KCTD1: variants seen among roughly 807,000 people sequenced by gnomAD.
KCTD1 encodes the protein potassium channel tetramerization domain containing 1.
A neutral mutation model predicts 66.0 loss-of-function variants in KCTD1; 24 were observed. The observed-to-expected ratio is 0.36, with a 90% CI of 0.26 to 0.51. The LOEUF (loss-of-function observed/expected upper bound fraction) is 0.51. KCTD1 is among the 20% of genes least tolerant of loss of function. KCTD1 has a pLI of 0.95. For synonymous variants in KCTD1, 511 were observed against 517.2 expected (o/e 0.99, Z 0.16); for missense variants, 943 against 1,205.2 (o/e 0.78, Z 3.22).
At chr18:26,557,085 A>G (rs2144867574) in intron 1 of KCTD1, among the ~76,000 whole-genome samples, 1 of 152,302 alleles carries the variant, frequency 6.6e-6, no homozygotes, top group South Asian at 2.1e-4. Flanking sequence ...TAAGCCCAAA[A>G]TGGTCAATAG....
chr18:26,582,227 C>T (rs751167005), intron 1 of KCTD1, among the ~76,000 whole-genome samples: 3 of 150,980 alleles, frequency 2.0e-5, no homozygotes, highest in Non-Finnish European at 4.4e-5. Flanking sequence ...GAGCCAAGAC[C>T]GTGCCACTGC....
At position 26,610,587 on chromosome 18, in the gene KCTD1, G is replaced by GCGAA. The variant is rs1192279117; in HGVS notation, c.-16+18559_-16+18560insTTCG. Among the ~76,000 whole-genome samples, 28 of 146,670 alleles carry GCGAA rather than the reference G, an allele frequency of 1.9e-4. No homozygotes were observed. In the South Asian group the frequency reaches 2.3e-3, roughly 12 times the overall value. On this transcript the variant is annotated intron_variant, in intron 1 of 4. Coordinates refer to the KCTD1 transcript ENST00000317932. ...TGAGGCTCTAAGAAAGAGAGAGAGA[G>GCGAA]AGAAAGAAAGGAAGGAAGGAAGGAA...
intron 1 of KCTD1, chr18:26,600,011 A>G: frequency 4.3e-6 from 7 of 1,611,562 alleles, no homozygotes; most frequent in South Asian, 1.1e-5. Flanking sequence ...CTCTCAGCCA[A>G]CGATATGGAG....
chr18:26,564,488 G>A (rs1239155587), intron 1 of KCTD1, among the ~76,000 whole-genome samples: 2 of 152,086 alleles, frequency 1.3e-5, no homozygotes, highest in African/African-American at 4.8e-5. Context: ...ACATGTCTTT[G>A]AGGCTTTTAG....
At chr18:26,526,213 G>A (rs1246786119) in intron 1 of KCTD1, among the ~76,000 whole-genome samples, 10 of 152,162 alleles carry the variant, frequency 6.6e-5, no homozygotes, top group Non-Finnish European at 8.8e-5. Flanking sequence ...CCCTCTCCGA[G>A]GAAAGCCGGT....
At chr18:26,463,539 C>T (rs1262788562) in intron 3 of KCTD1, among the ~76,000 whole-genome samples, 3 of 69,788 alleles carry the variant, frequency 4.3e-5, no homozygotes, top group Admixed American at 3.3e-4. Flanking sequence ...TCTTAGAATA[C>T]GGTTTTTTTT....
chr18:26,535,461 T>TTGTATTTTAAAAAAAGTCCGCAAGTCAAC (rs1428847520), intron 1 of KCTD1, among the ~76,000 whole-genome samples: 144 of 152,012 alleles, frequency 9.5e-4, no homozygotes, highest in African/African-American at 3.3e-3. Context: ...GGGCTTGACT[T>TTGTATTTTAAAAAAAGTCCGCAAGTCAAC]TGTATTTTAA....
At chr18:26,549,866 T>G (rs1985481561), upstream of KCTD1, 1 of 943,634 alleles carries the variant, frequency 1.1e-6, no homozygotes, top group Non-Finnish European at 1.3e-6. Context: ...ACTGCCCCAC[T>G]TCCAGCCAAA....
intron 1 of KCTD1, among the ~76,000 whole-genome samples, chr18:26,559,234 T>A (rs111435307): frequency 6.6e-6 from 1 of 152,198 alleles, no homozygotes; most frequent in East Asian, 1.9e-4. Flanking sequence ...CTGTATATTT[T>A]AAAATAACTA....
At position 26,547,047 on chromosome 18, in the gene KCTD1, G is replaced by A; in HGVS notation, c.1490C>T (p.Thr497Ile). 1.3e-6 allele frequency: 2 copies of A among 1,493,524 alleles called. No individual in the cohort carries two copies. Among genetic ancestry groups the A allele is most frequent in the Non-Finnish European group, 1.8e-6 (2 of 1,119,180 alleles). 92.5% of individuals were successfully genotyped at this position (1,493,524 alleles called of 1,614,324 possible). A position where few individuals can be genotyped will look rare whatever the true frequency, so the allele number is the denominator to read the frequency against. ...GGGGCGGTGGTGGTGGGAGGGATGG[G>A]TGGGGGGGTGGTGGGAGTGGTGCCG... The part of the protein sequence containing the change: ...AARHHSHHPP[T>I]HPSHHHRPQP... Residue 497 changes from threonine (T) to isoleucine (I), a missense_variant, in exon 1 of 5, where the codon ACC becomes ATC. Physicochemically the swap from Thr to Ile is moderately conservative, Grantham distance 89 (BLOSUM62 -1). Transcript: ENST00000580059.
chr18:26,599,412 G>T, intron 1 of KCTD1: 1 of 1,611,560 alleles, frequency 6.2e-7, no homozygotes, highest in Non-Finnish European at 8.5e-7. Flanking sequence ...AAGAATGGCA[G>T]ATTTTGGGAT....
chr18:26,533,854 C>T (rs953786587), intron 1 of KCTD1, among the ~76,000 whole-genome samples: 1 of 146,384 alleles, frequency 6.8e-6, no homozygotes, highest in Non-Finnish European at 1.5e-5. Context: ...AAAAAGCAAG[C>T]CATGGAATTT....
At chr18:26,521,460 C>G (rs1418055906) in intron 1 of KCTD1, among the ~76,000 whole-genome samples, 1 of 152,204 alleles carries the variant, frequency 6.6e-6, no homozygotes, top group Non-Finnish European at 1.5e-5. Flanking sequence ...GAAACTGCCT[C>G]TTTTATAAAT....
chr18:26,657,230 G>A, intron 1 of KCTD1: 3 of 672,842 alleles, frequency 4.5e-6, no homozygotes, highest in Non-Finnish European at 5.5e-6. Context: ...CCGCCGCGGC[G>A]GGCGGCGTGT....
chr18:26,615,375 T>A (rs900548750), intron 1 of KCTD1, among the ~76,000 whole-genome samples: 5 of 152,186 alleles, frequency 3.3e-5, no homozygotes, highest in African/African-American at 1.2e-4. Flanking sequence ...TGAGGATATT[T>A]TGCTAGTCTG....
chr18:26,490,714 C>T (rs958833632), intron 2 of KCTD1, among the ~76,000 whole-genome samples: 1 of 152,012 alleles, frequency 6.6e-6, no homozygotes, highest in East Asian at 1.9e-4. Flanking sequence ...AGACTACTGG[C>T]GGATCTGTTA....
chr18:26,534,146 A>C (rs1235803046), intron 1 of KCTD1, among the ~76,000 whole-genome samples: 2 of 152,116 alleles, frequency 1.3e-5, no homozygotes, highest in Non-Finnish European at 2.9e-5. Flanking sequence ...AATTCATTTC[A>C]ATTTTTTTAT....
At chr18:26,616,745 C>T (rs114162861) in intron 1 of KCTD1, among the ~76,000 whole-genome samples, 1,736 of 151,908 alleles carry the variant, frequency 0.011, 35 homozygotes, top group African/African-American at 0.039. Context: ...TCTCAAATTC[C>T]GGGGCTCAAG....
intron 1 of KCTD1, among the ~76,000 whole-genome samples, chr18:26,601,102 T>C (rs1016073347): frequency 1.3e-5 from 2 of 152,010 alleles, no homozygotes; most frequent in African/African-American, 4.8e-5. Flanking sequence ...ACGCTTAGAA[T>C]AGGGCCTGTC....
Sources: allele counts gnomAD v4.1 joint callset (sites outside exome capture counted in the v4.1 genomes callset), GRCh38; gene constraint gnomAD v4.1.1; transcripts MANE v1.5; gene names NCBI Gene and HGNC (gene_info 2026-07-23, HGNC 2026-07-21).